ADAMTS19: variants seen among roughly 807,000 people sequenced by gnomAD.
The protein encoded by ADAMTS19 is ADAM metallopeptidase with thrombospondin type 1 motif 19, also known as A disintegrin and metalloproteinase with thrombospondin motifs 19.
In ADAMTS19, 93 loss-of-function variants were observed where a neutral mutation model predicts 153.3. The ratio of observed to expected loss-of-function variants is 0.61; its 90% confidence interval spans 0.51 to 0.72. ADAMTS19 has a LOEUF of 0.72. ADAMTS19 is among the 30% of genes least tolerant of loss of function. The pLI, the probability that ADAMTS19 is intolerant of heterozygous loss-of-function variation, is 0.00. For synonymous variants in ADAMTS19, 600 were observed against 556.6 expected, an observed-to-expected ratio of 1.08 and a Z score of -1.10; for missense variants, 1,482 against 1,552.1, an observed-to-expected ratio of 0.95 and a Z score of 0.76.
chr5:129,683,577 C>T (rs1039790119), intron 17 of ADAMTS19, among the ~76,000 whole-genome samples: 1 of 152,014 alleles, frequency 6.6e-6, no homozygotes, highest in Non-Finnish European at 1.5e-5. Flanking sequence ...TCTTGTCCTC[C>T]AGTTTGCTTA....
At chr5:129,696,310 G>T (rs138890511) in intron 19 of ADAMTS19, among the ~76,000 whole-genome samples, 1 of 152,032 alleles carries the variant, frequency 6.6e-6, no homozygotes, top group Non-Finnish European at 1.5e-5. Context: ...CTAGCTACTC[G>T]GGAGGCTGAG....
Position 129,662,125 on chromosome 5 carries a change from G to A in ADAMTS19, c.2426-3374G>A, listed in dbSNP as rs1753840525. On this transcript the variant is annotated intron_variant, in intron 15 of 22. Coordinates refer to ENST00000274487, the MANE Select transcript of ADAMTS19 (RefSeq NM_133638.6). ...GGTTAAAATTAATAATTTCTGTAAA[G>A]TAACTATAATAATGATTAGCACATA... Among the ~76,000 whole-genome samples, 3 of 152,174 alleles carry A rather than the reference G, an allele frequency of 2.0e-5. 1 individual carries two copies. The South Asian group carries it at 6.2e-4, about 31-fold the overall frequency.
chr5:129,633,527 T>C (rs1241004747), intron 10 of ADAMTS19, among the ~76,000 whole-genome samples: 1 of 152,134 alleles, frequency 6.6e-6, no homozygotes, highest in Non-Finnish European at 1.5e-5. Context: ...TCATTTATTT[T>C]CTATGGCCGC....
intron 18 of ADAMTS19, chr5:129,688,314 T>C (rs1755179598): frequency 6.6e-6 from 1 of 152,172 alleles, no homozygotes; most frequent in African/African-American, 2.4e-5. Flanking sequence ...CATAAGAATA[T>C]ATTAAGAGCA....
intron 16 of ADAMTS19, among the ~76,000 whole-genome samples, chr5:129,669,597 A>G (rs1754206587): frequency 1.3e-5 from 2 of 151,812 alleles, no homozygotes; most frequent in African/African-American, 2.4e-5. Flanking sequence ...ATTGTTTTCT[A>G]TTCTCCATTT....
intron 8 of ADAMTS19, among the ~76,000 whole-genome samples, chr5:129,599,900 A>G (rs1750566098): frequency 1.3e-5 from 2 of 152,168 alleles, no homozygotes; most frequent in Admixed American, 6.6e-5. Context: ...CCCCTTTACT[A>G]AAAATTCCCC....
chr5:129,719,480 A>G (rs1425834566), intron 21 of ADAMTS19, among the ~76,000 whole-genome samples: 1 of 152,206 alleles, frequency 6.6e-6, no homozygotes, highest in African/African-American at 2.4e-5. Flanking sequence ...AGAAACTAAC[A>G]TTTAGTTAAT....
chr5:129,523,620 A>G (rs745522097), intron 3 of ADAMTS19, among the ~76,000 whole-genome samples: 16 of 152,162 alleles, frequency 1.1e-4, no homozygotes, highest in Non-Finnish European at 1.6e-4. Context: ...TCGCAAATTT[A>G]TTATTGAAGC....
At chr5:129,701,032 C>T (rs1755817658) in intron 19 of ADAMTS19, among the ~76,000 whole-genome samples, 1 of 151,710 alleles carries the variant, frequency 6.6e-6, no homozygotes, top group African/African-American at 2.4e-5. Flanking sequence ...TCCATGATTC[C>T]CATGTCATGA....
chr5:129,631,508 G>T (rs1032970232), intron 10 of ADAMTS19, among the ~76,000 whole-genome samples: 2 of 151,786 alleles, frequency 1.3e-5, no homozygotes, highest in Non-Finnish European at 2.9e-5. Flanking sequence ...TTCATACCTC[G>T]TAAGGCTTTA....
chr5:129,570,283 GGGA>G, intron 7 of ADAMTS19, among the ~76,000 whole-genome samples: 3 of 151,760 alleles, frequency 2.0e-5, no homozygotes, highest in African/African-American at 7.3e-5. Context: ...ATAATCATTA[GGGA>G]ATAATAAAAA....
chr5:129,684,814 C>T (rs764985558), intron 18 of ADAMTS19, among the ~76,000 whole-genome samples: 4 of 151,964 alleles, frequency 2.6e-5, no homozygotes, highest in African/African-American at 4.8e-5. Flanking sequence ...GGCGAAACCC[C>T]GTCTCTACAA....
In ADAMTS19 at chr5:129,622,252, G is replaced by T; in HGVS notation, c.1674G>T (p.Val558=). Residue 558 remains valine, a synonymous_variant, in exon 10 of 23, where the codon GTG becomes GTT. Transcript: ENST00000274487. Reference sequence around the variant, plus strand: ...CAAATCCGCAGAGTGTCAATTCTGTGATGGTTCCCTCCAAGCTGCCAGGGA... The same window carrying T: ...CAAATCCGCAGAGTGTCAATTCTGTTATGGTTCCCTCCAAGCTGCCAGGGA... ...LQTNPQSVNS[V]MVPSKLPGMT... 6.2e-7 allele frequency: 1 copy of T among 1,614,104 alleles called. No homozygotes were observed. The highest frequency in any genetic ancestry group is 8.5e-7 in the Non-Finnish European group (1 of 1,179,988).
At chr5:129,592,113 C>G (rs1750164451) in intron 7 of ADAMTS19, among the ~76,000 whole-genome samples, 1 of 152,038 alleles carries the variant, frequency 6.6e-6, no homozygotes, top group South Asian at 2.1e-4. Context: ...TGCAGTGGCT[C>G]ACGTTTGTAA....
At position 129,704,384 on chromosome 5, in the gene ADAMTS19, G is replaced by C. The variant is rs749884424; in HGVS notation, c.3305G>C (p.Trp1102Ser). 1 of 1,613,462 alleles carries C rather than the reference G, an allele frequency of 6.2e-7. No homozygotes were observed. Among genetic ancestry groups the C allele is most frequent in the Non-Finnish European group, 8.5e-7 (1 of 1,179,640 alleles). The change falls in exon 21 of 23, where the codon TGG becomes TCG. Residue 1102 changes from tryptophan (W) to serine (S), a missense_variant. Coordinates refer to ENST00000274487, the MANE Select transcript of ADAMTS19 (RefSeq NM_133638.6). ...SKCYVWRMGD[W>S]SKCSITCGKG... Reference sequence around the variant, plus strand: ...TGCTATGTGTGGCGAATGGGTGACTGGTCTAAGGTGAGAACCATTCTGTAT... The same window carrying C: ...TGCTATGTGTGGCGAATGGGTGACTCGTCTAAGGTGAGAACCATTCTGTAT...
At chr5:129,547,485 A>G (rs868851220) in intron 6 of ADAMTS19, among the ~76,000 whole-genome samples, 1 of 150,696 alleles carries the variant, frequency 6.6e-6, no homozygotes. Context: ...TTAGAAAGTA[A>G]AAGGAATCAT....
chr5:129,649,235 G>T (rs1753206145), intron 13 of ADAMTS19, among the ~76,000 whole-genome samples: 1 of 152,152 alleles, frequency 6.6e-6, no homozygotes, highest in Non-Finnish European at 1.5e-5. Context: ...AGGAGAAACT[G>T]GATCTCTCAG....
chr5:129,617,421 G>A (rs1479285752), intron 8 of ADAMTS19, among the ~76,000 whole-genome samples: 1 of 152,014 alleles, frequency 6.6e-6, no homozygotes, highest in Non-Finnish European at 1.5e-5. Flanking sequence ...TTGGGAAAAT[G>A]TCCAAATTGC....
intron 7 of ADAMTS19, among the ~76,000 whole-genome samples, chr5:129,574,751 T>G (rs1754041972): frequency 6.6e-6 from 1 of 151,956 alleles, no homozygotes; most frequent in Admixed American, 6.6e-5. Context: ...AAAATTTTAT[T>G]CTCCTCATTT....
Sources: gnomAD v4.1 joint callset for allele counts (sites outside exome capture counted in the v4.1 genomes callset) on GRCh38, gnomAD v4.1.1 for gene constraint, MANE v1.5 for transcripts, NCBI Gene and HGNC (gene_info 2026-07-23, HGNC 2026-07-21) for gene names.